Variants in SMAD9 observed in about 807,000 individuals in gnomAD.
The protein encoded by SMAD9 is SMAD family member 9, also known as MAD homolog 9.
SMAD9 carries 36 observed loss-of-function variants against 46.1 expected under a neutral mutation model. That is an observed-to-expected ratio of 0.78 (90% CI 0.60 to 1.03). The LOEUF is 1.03. SMAD9 is among the 50% of genes least tolerant of loss of function. The probability of loss-of-function intolerance (pLI) is 0.00; values close to 1 mark genes in which losing one functional copy is unlikely to be tolerated. For missense variants in SMAD9, 572 were observed against 599.8 expected (o/e 0.95, Z 0.48); for synonymous variants, 245 against 237.1 (o/e 1.03, Z -0.31).
At chr13:36,901,616 C>T (rs576640082) in intron 1 of SMAD9, among the ~76,000 whole-genome samples, 8 of 152,172 alleles carry the variant, frequency 5.3e-5, no homozygotes, top group Admixed American at 1.3e-4. Flanking sequence ...TTAGTACAGA[C>T]GAGGTTTTGC....
At chr13:36,889,669 G>A (rs1194739930) in intron 1 of SMAD9, among the ~76,000 whole-genome samples, 2 of 152,036 alleles carry the variant, frequency 1.3e-5, no homozygotes, top group Non-Finnish European at 2.9e-5. Context: ...TACTCTATTT[G>A]TAACTCTTAA....
chr13:36,861,185 C>A (rs2058178076), intron 5 of SMAD9, among the ~76,000 whole-genome samples: 2 of 152,182 alleles, frequency 1.3e-5, no homozygotes, highest in Admixed American at 1.3e-4. Context: ...GACAGGGTGG[C>A]AACATGACCT....
At chr13:36,874,320 T>C (rs1354561363) in intron 2 of SMAD9, among the ~76,000 whole-genome samples, 2 of 152,144 alleles carry the variant, frequency 1.3e-5, no homozygotes, top group African/African-American at 2.4e-5. Context: ...AACTGGAATA[T>C]TCCAAAAGCT....
At chr13:36,852,585 TA>T (rs2058083618) in intron 6 of SMAD9, 1 of 983,418 alleles carries the variant, frequency 1.0e-6, no homozygotes, top group Non-Finnish European at 1.2e-6. Context: ...CTCTCTGAAT[TA>T]ATCACACCCG....
chr13:36,900,718 CACACACACAT>C (rs1457071816), intron 1 of SMAD9, among the ~76,000 whole-genome samples: 3 of 144,746 alleles, frequency 2.1e-5, no homozygotes, highest in Admixed American at 1.4e-4. Context: ...CACACACACA[CACACACACAT>C]AAATGTAAAT....
chr13:36,913,692 G>C (rs539847577), intron 1 of SMAD9, among the ~76,000 whole-genome samples: 14 of 152,244 alleles, frequency 9.2e-5, no homozygotes, highest in Admixed American at 8.5e-4. Context: ...TAAGCTGAAA[G>C]GGAAGCATTC....
At chr13:36,883,234 A>G (rs1366952619) in intron 1 of SMAD9, among the ~76,000 whole-genome samples, 1 of 152,188 alleles carries the variant, frequency 6.6e-6, no homozygotes, top group African/African-American at 2.4e-5. Flanking sequence ...CAGGTTCACC[A>G]TAACAAAACA....
chr13:36,860,320 C>T (rs1347744712), intron 5 of SMAD9, among the ~76,000 whole-genome samples: 1 of 151,942 alleles, frequency 6.6e-6, no homozygotes, highest in Non-Finnish European at 1.5e-5. Context: ...AGCCCAATTC[C>T]AAAAACAATG....
chr13:36,901,810 A>G (rs2138638817), intron 1 of SMAD9, among the ~76,000 whole-genome samples: 1 of 152,300 alleles, frequency 6.6e-6, no homozygotes, highest in Middle Eastern at 3.4e-3. Flanking sequence ...TCTTTGGAAA[A>G]ATATCTATTC....
At chr13:36,895,192 A>C (rs956608021) in intron 1 of SMAD9, among the ~76,000 whole-genome samples, 3 of 152,112 alleles carry the variant, frequency 2.0e-5, no homozygotes, top group Non-Finnish European at 4.4e-5. Context: ...CCAAATTTCT[A>C]TACCCATATG....
intron 5 of SMAD9, among the ~76,000 whole-genome samples, chr13:36,855,217 A>G (rs755626516): frequency 6.9e-6 from 1 of 144,638 alleles, no homozygotes; most frequent in Non-Finnish European, 1.5e-5. Context: ...CCACTACTGC[A>G]CTCCAGACTG....
chr13:36,861,556 C>A (rs192731464), intron 5 of SMAD9, among the ~76,000 whole-genome samples: 4,717 of 149,756 alleles, frequency 0.031, 258 homozygotes, highest in African/African-American at 0.11. Context: ...CCTCAGGTGA[C>A]CTGCCTGCCT....
intron 1 of SMAD9, among the ~76,000 whole-genome samples, chr13:36,908,958 T>C (rs565957722): frequency 1.1e-4 from 16 of 152,338 alleles, no homozygotes; most frequent in African/African-American, 3.6e-4. Flanking sequence ...TGAAGTACTA[T>C]GGTAAGCAGA....
intron 5 of SMAD9, among the ~76,000 whole-genome samples, chr13:36,861,479 T>C (rs1395784284): frequency 6.6e-6 from 1 of 151,212 alleles, no homozygotes; most frequent in African/African-American, 2.4e-5. Flanking sequence ...CACACCCGGC[T>C]AATTTTTTGT....
At position 36,872,802 on chromosome 13, in the gene SMAD9, T is replaced by C; in HGVS notation, c.526A>G (p.Thr176Ala). 2 of 1,613,824 alleles carry C rather than the reference T, an allele frequency of 1.2e-6. No homozygotes were observed. Among genetic ancestry groups the C allele is most frequent in the Non-Finnish European group, 1.7e-6 (2 of 1,179,958 alleles). Residue 176 changes from threonine to alanine, a missense_variant, in exon 3 of 7, where the codon ACC becomes GCC. Thr to Ala is a moderately conservative substitution (Grantham distance 58). Transcript: ENST00000379826. ...HSEPLMPHNA[T>A]YPDSFQQPPC... ...GGCTGCTGGAAAGAGTCAGGATAGG[T>C]GGCGTTGTGTGGCATGAGTGGCTCA...
chr13:36,876,050 A>G (rs2058342758), intron 2 of SMAD9, among the ~76,000 whole-genome samples: 3 of 152,184 alleles, frequency 2.0e-5, no homozygotes. Context: ...CAACACAGCT[A>G]TCCCTAATTA....
chr13:36,906,794 T>G lies in SMAD9; in HGVS notation c.-187+13322A>C, dbSNP rs535627002. 2.6e-5 allele frequency among the ~76,000 whole-genome samples: 4 copies of G among 152,226 alleles called. No individual in the cohort carries two copies. In the East Asian group the frequency reaches 5.8e-4, roughly 22 times the overall value. The stretch of plus-strand genomic sequence containing the variant: ...GTAAAAATCAAGGATGTGCAAAAAT[T>G]TGCACATTGTTGATGAGAATGTAAA... On this transcript the variant is annotated intron_variant, in intron 1 of 6. Transcript: ENST00000379826.
chr13:36,904,461 G>A (rs775462608), intron 1 of SMAD9, among the ~76,000 whole-genome samples: 5 of 152,184 alleles, frequency 3.3e-5, no homozygotes, highest in South Asian at 2.1e-4. Flanking sequence ...TTTAATTATG[G>A]TCTGGGCCTT....
intron 5 of SMAD9, among the ~76,000 whole-genome samples, chr13:36,855,354 T>TGG (rs2058114370): frequency 6.6e-6 from 1 of 151,776 alleles, no homozygotes; most frequent in Non-Finnish European, 1.5e-5. Flanking sequence ...TCCCTCTAAA[T>TGG]GTCTGGGTTT....
Sources: gnomAD v4.1 joint callset for allele counts (sites outside exome capture counted in the v4.1 genomes callset) on GRCh38, gnomAD v4.1.1 for gene constraint, MANE v1.5 for transcripts, NCBI Gene and HGNC (gene_info 2026-07-23, HGNC 2026-07-21) for gene names.